Variants in PICALM observed in about 807,000 individuals in gnomAD.
The protein encoded by PICALM is phosphatidylinositol-binding clathrin assembly protein.
PICALM carries 40 observed loss-of-function variants against 80.5 expected under a neutral mutation model. The ratio of observed to expected loss-of-function variants is 0.50; its 90% CI spans 0.39 to 0.65. The LOEUF is 0.65. Among genes scored for constraint, PICALM ranks in the 30% least tolerant of loss-of-function variants. The probability of loss-of-function intolerance (pLI) is 0.00; values close to 1 mark genes in which losing one functional copy is unlikely to be tolerated. For missense variants in PICALM, 676 were observed against 778.9 expected (o/e 0.87, Z 1.57); for synonymous variants, 288 against 260.3 (o/e 1.11, Z -1.02).
intron 13 of PICALM, among the ~76,000 whole-genome samples, chr11:85,985,831 T>C (rs1404759235): frequency 6.6e-6 from 1 of 152,216 alleles, no homozygotes. Context: ...AGATTATATA[T>C]GGAACAACAA....
chr11:85,979,904 T>C (rs767774269), intron 17 of PICALM, among the ~76,000 whole-genome samples: 26 of 152,310 alleles, frequency 1.7e-4, no homozygotes, highest in Non-Finnish European at 3.1e-4. Flanking sequence ...GTTGGTAAGA[T>C]AGAAACTGGC....
At chr11:86,012,655 A>C (rs1206747353) in intron 5 of PICALM, among the ~76,000 whole-genome samples, 2 of 152,196 alleles carry the variant, frequency 1.3e-5, no homozygotes, top group African/African-American at 4.8e-5. Context: ...TTTTAGTTTT[A>C]TCTCAAGGAA....
intron 19 of PICALM, among the ~76,000 whole-genome samples, chr11:85,959,298 T>C (rs1349334948): frequency 6.6e-6 from 1 of 151,418 alleles, no homozygotes; most frequent in African/African-American, 2.4e-5. Context: ...AGACAGAGTC[T>C]TGCTCTGCTG....
Position 85,957,460 on chromosome 11 carries a change from A to G in PICALM, c.*1586T>C, listed in dbSNP as rs2093565469. Among the ~76,000 whole-genome samples, 1 of 152,242 alleles carries G rather than the reference A, an allele frequency of 6.6e-6. No homozygotes were observed. The highest frequency in any genetic ancestry group is 1.5e-5 in the Non-Finnish European group (1 of 68,038). ...CATCTGATCAAAAGACAAAAAGTGA[A>G]CAATTTTAATAAGTAGTTGCATTTA... On this transcript the variant is annotated 3_prime_UTR_variant, in exon 20 of 20. Transcript: ENST00000393346.
intron 1 of PICALM, among the ~76,000 whole-genome samples, chr11:86,049,614 G>A (rs1029423361): frequency 2.0e-5 from 3 of 151,228 alleles, no homozygotes; most frequent in Non-Finnish European, 4.4e-5. Flanking sequence ...GTGCAGTGGC[G>A]CAATCTCGGG....
intron 19 of PICALM, chr11:85,960,651 A>G (rs1255823999): frequency 2.0e-6 from 2 of 996,202 alleles, no homozygotes; most frequent in Admixed American, 4.6e-5. Flanking sequence ...TTAAGTCCCC[A>G]TCTCCCAAAA....
Position 86,068,833 on chromosome 11 carries a change from C to G in PICALM, c.-53G>C. ...GCTCAGCAGCCGGCGGGGACTGGGA[C>G]CCCCAAGAGCCGGAGGGTCCCCACC... On this transcript the variant is annotated 5_prime_UTR_variant, in exon 1 of 20. Coordinates refer to ENST00000393346, the MANE Select transcript of PICALM (RefSeq NM_007166.4). 2 of 1,531,580 alleles carry G rather than the reference C, an allele frequency of 1.3e-6. No individual in the cohort carries two copies. Among genetic ancestry groups the G allele is most frequent in the South Asian group, 1.2e-5 (1 of 83,198 alleles). 94.9% of individuals were successfully genotyped at this position (1,531,580 alleles called of 1,614,324 possible).
intron 15 of PICALM, 44 bp from the exon 16 acceptor site, chr11:85,981,819 G>A (rs756115600): frequency 1.6e-5 from 25 of 1,609,380 alleles, no homozygotes; most frequent in African/African-American, 2.7e-5. Context: ...AACACGAGAC[G>A]CAGTTTAATA....
intron 19 of PICALM, chr11:85,974,390 G>A (rs1437640334): frequency 1.9e-6 from 1 of 517,302 alleles, no homozygotes; most frequent in Non-Finnish European, 3.8e-6. Context: ...TAATGGTTTT[G>A]AGGTTCACAA....
chr11:85,965,807 G>GTTTTTTTTTT (rs142410273), intron 19 of PICALM, among the ~76,000 whole-genome samples: 11 of 79,258 alleles, frequency 1.4e-4, no homozygotes, highest in African/African-American at 2.9e-4. Context: ...TACCCATTTT[G>GTTTTTTTTTT]TTTTTTTGTT....
intron 1 of PICALM, among the ~76,000 whole-genome samples, chr11:86,061,617 GA>G (rs1358663178): frequency 6.6e-6 from 1 of 152,174 alleles, no homozygotes; most frequent in Non-Finnish European, 1.5e-5. Flanking sequence ...ATGCTGGTGA[GA>G]ATGTGAACAG....
At chr11:85,981,813 C>T (rs751763097) in intron 15 of PICALM, 38 bp from the exon 16 acceptor site, 19 of 1,611,380 alleles carry the variant, frequency 1.2e-5, no homozygotes, top group South Asian at 4.4e-5. Flanking sequence ...TTTTATAACA[C>T]GAGACGCAGT....
In PICALM at chr11:86,040,947, T is replaced by C. The variant is rs541075784; in HGVS notation, c.131-9336A>G. 2.6e-5 allele frequency among the ~76,000 whole-genome samples: 4 copies of C among 152,252 alleles called. No homozygotes were observed. In the South Asian group the frequency reaches 6.2e-4, roughly 24 times the overall value. ...GGTAAAGATACAGCCTCACAATACA[T>C]TATGGTGATTGTAATCTGTATGTAT... is the stretch of plus-strand genomic sequence containing the variant. On this transcript the variant is annotated intron_variant, in intron 1 of 19. Transcript: ENST00000393346.
chr11:85,993,341 C>G (rs2094853013), intron 12 of PICALM, among the ~76,000 whole-genome samples: 1 of 152,084 alleles, frequency 6.6e-6, no homozygotes, highest in African/African-American at 2.4e-5. Flanking sequence ...CCTGTCTCAG[C>G]TCCCAAACTG....
At position 85,981,920 on chromosome 11, in the gene PICALM, T is replaced by C; in HGVS notation, c.1600A>G (p.Lys534Glu). ...NLPVAKLPPS[K>E]LVSDDLDSSL... is the part of the protein sequence containing the mutation. ...GAATCCAAGTCATCAGATACTAACT[T>C]GCTAGGTGGGAGTTTGGCAACAGGA... Residue 534 changes from lysine (K) to glutamate (E), a missense_variant, in exon 15 of 20, where the codon AAG (lysine) becomes GAG (glutamate). Physicochemically the swap from Lys to Glu is moderately conservative, Grantham distance 56. Coordinates refer to ENST00000393346, the MANE Select transcript of PICALM (RefSeq NM_007166.4). The C allele has an allele frequency of 6.2e-7, 1 of 1,613,730 alleles. No homozygotes were observed. Among genetic ancestry groups the C allele is most frequent in the Non-Finnish European group, 8.5e-7 (1 of 1,179,578 alleles).
chr11:85,965,975 C>A (rs781144215), intron 19 of PICALM, among the ~76,000 whole-genome samples: 53 of 151,916 alleles, frequency 3.5e-4, no homozygotes, highest in South Asian at 1.5e-3. Flanking sequence ...TGCCACCACG[C>A]CTGGCTAATT....
intron 4 of PICALM, among the ~76,000 whole-genome samples, chr11:86,020,052 A>G (rs1214459128): frequency 1.3e-5 from 2 of 152,106 alleles, no homozygotes; most frequent in East Asian, 3.8e-4. Context: ...CTAGGAAAAA[A>G]ATCTGCATAT....
chr11:85,974,609 T>C (rs2094215402), intron 19 of PICALM, 99 bp downstream of exon 19: 1 of 790,148 alleles, frequency 1.3e-6, no homozygotes, highest in Non-Finnish European at 2.3e-6. Flanking sequence ...AGGTAGAAAG[T>C]GCTAGTAACT....
chr11:85,963,132 T>C (rs2093746047), intron 19 of PICALM, among the ~76,000 whole-genome samples: 1 of 152,148 alleles, frequency 6.6e-6, no homozygotes, highest in Non-Finnish European at 1.5e-5. Context: ...GTAGGGTTGC[T>C]AAAGAACATA....
Sources: allele counts gnomAD v4.1 joint callset (sites outside exome capture counted in the v4.1 genomes callset), GRCh38; gene constraint gnomAD v4.1.1; transcripts MANE v1.5; gene names NCBI Gene and HGNC (gene_info 2026-07-23, HGNC 2026-07-21).